The following INPP5A variants were observed in gnomAD, a reference collection of about 807,000 sequenced individuals.
INPP5A encodes the protein 43 kDa inositol polyphosphate 5-phophatase.
INPP5A carries 14 observed loss-of-function variants against 65.2 expected under a neutral mutation model. That is an observed-to-expected ratio of 0.21 (90% CI 0.14 to 0.34). The LOEUF (loss-of-function observed/expected upper bound fraction) is 0.34. Among genes scored for constraint, INPP5A ranks in the 10% least tolerant of loss-of-function variants. The pLI is 1.00. For missense variants in INPP5A, 431 were observed against 545.6 expected (o/e 0.79, Z 2.09); for synonymous variants, 207 against 208.3 (o/e 0.99, Z 0.05).
At chr10:132,584,457 G>A (rs1435096750) in intron 1 of INPP5A, among the ~76,000 whole-genome samples, 2 of 151,894 alleles carry the variant, frequency 1.3e-5, no homozygotes, top group East Asian at 3.8e-4. Flanking sequence ...TGTTTTTTAA[G>A]GAATAAATAT....
intron 1 of INPP5A, among the ~76,000 whole-genome samples, chr10:132,561,670 A>C (rs2071207213): frequency 6.6e-6 from 1 of 151,280 alleles, no homozygotes; most frequent in Non-Finnish European, 1.5e-5. Context: ...TGTTTTGACT[A>C]TTCTGGTGTC....
At chr10:132,578,656 G>A (rs1244546352) in intron 1 of INPP5A, among the ~76,000 whole-genome samples, 1 of 151,116 alleles carries the variant, frequency 6.6e-6, no homozygotes, top group Admixed American at 6.6e-5. Context: ...GGCTGGGTCT[G>A]GGCTTCAGGG....
At chr10:132,691,202 G>A (rs1845254759) in intron 5 of INPP5A, among the ~76,000 whole-genome samples, 1 of 152,198 alleles carries the variant, frequency 6.6e-6, no homozygotes, top group Non-Finnish European at 1.5e-5. Context: ...TCTTATCTCA[G>A]TTGCTTGAGT....
intron 2 of INPP5A, among the ~76,000 whole-genome samples, chr10:132,640,103 T>C (rs1454685169): frequency 6.6e-6 from 1 of 152,260 alleles, no homozygotes; most frequent in Non-Finnish European, 1.5e-5. Context: ...GTGGGCCATG[T>C]TTTCAGATTC....
At chr10:132,708,540 G>T in intron 7 of INPP5A, 175 bp downstream of exon 7, 1 of 763,068 alleles carries the variant, frequency 1.3e-6, no homozygotes, top group Non-Finnish European at 2.4e-6. Flanking sequence ...CGATGCATTC[G>T]GAGCATTGTC....
chr10:132,771,232 T>C (rs987018499), intron 12 of INPP5A, among the ~76,000 whole-genome samples: 1 of 152,122 alleles, frequency 6.6e-6, no homozygotes, highest in Non-Finnish European at 1.5e-5. Context: ...CCTGGAGGCC[T>C]CATCTCATCC....
At chr10:132,658,469 A>G (rs184899200) in intron 4 of INPP5A, among the ~76,000 whole-genome samples, 2 of 152,272 alleles carry the variant, frequency 1.3e-5, no homozygotes, top group African/African-American at 2.4e-5. Flanking sequence ...CTTCTAACAG[A>G]TGAGCTGACA....
At chr10:132,636,523 T>G (rs2072354532) in intron 2 of INPP5A, among the ~76,000 whole-genome samples, 1 of 152,230 alleles carries the variant, frequency 6.6e-6, no homozygotes, top group Non-Finnish European at 1.5e-5. Flanking sequence ...CACCCTGGTT[T>G]GCAGCCCAAG....
intron 9 of INPP5A, among the ~76,000 whole-genome samples, chr10:132,738,946 T>C (rs1846226254): frequency 6.6e-6 from 1 of 152,140 alleles, no homozygotes; most frequent in Non-Finnish European, 1.5e-5. Context: ...TTTTGTCAAG[T>C]GATAGGGTCC....
intron 4 of INPP5A, among the ~76,000 whole-genome samples, chr10:132,681,012 G>A (rs1025750208): frequency 6.6e-5 from 10 of 152,222 alleles, no homozygotes; most frequent in African/African-American, 2.4e-5. Flanking sequence ...CAGTCCCATC[G>A]ACCACCCAAG....
At chr10:132,565,664 T>TC (rs1219620981) in intron 1 of INPP5A, among the ~76,000 whole-genome samples, 3 of 151,974 alleles carry the variant, frequency 2.0e-5, no homozygotes, top group Non-Finnish European at 2.9e-5. Context: ...TGTATGTGGG[T>TC]CTATGTGTGG....
intron 2 of INPP5A, among the ~76,000 whole-genome samples, chr10:132,640,658 G>T (rs547280978): frequency 1.3e-5 from 2 of 152,350 alleles, no homozygotes; most frequent in East Asian, 1.9e-4. Flanking sequence ...GGTTGTCCTC[G>T]GCGGGAACAG....
intron 12 of INPP5A, among the ~76,000 whole-genome samples, chr10:132,766,744 A>G (rs1463831248): frequency 6.6e-6 from 1 of 152,234 alleles, no homozygotes; most frequent in African/African-American, 2.4e-5. Context: ...GTGCATTTTT[A>G]TGCAGATTTG....
At chr10:132,716,981 A>G (rs900767883) in intron 8 of INPP5A, among the ~76,000 whole-genome samples, 2 of 152,200 alleles carry the variant, frequency 1.3e-5, no homozygotes, top group African/African-American at 2.4e-5. Flanking sequence ...GAGAAGGCAC[A>G]TACTGCTGGG....
chr10:132,546,434 G>A lies in INPP5A; in HGVS notation c.75+8263G>A, dbSNP rs1395610433. 6.6e-6 allele frequency among the ~76,000 whole-genome samples: 1 copy of A among 152,116 alleles called. No homozygotes were observed. Among genetic ancestry groups the A allele is most frequent in the African/African-American group, 2.4e-5 (1 of 41,402 alleles). ...AACCCTGAGCCCCTGGTGGGTCTCG[G>A]TGACCTTGAGCCGGTTGTCTTCTTG... On this transcript the variant is annotated intron_variant, in intron 1 of 15. Transcript: ENST00000368594. The surrounding 1 kb of genome is among the most constrained non-coding windows in gnomAD (Gnocchi z 5.7).
rs185313410 is a variant in INPP5A at position 132,559,380 on chromosome 10, A to G, written c.75+21209A>G. On this transcript the variant is annotated intron_variant, in intron 1 of 15. Coordinates refer to ENST00000368594, the MANE Select transcript of INPP5A (RefSeq NM_005539.5). The stretch of plus-strand genomic sequence containing the variant: ...CTTTTAATTAGGACAAAATTCAGGC[A>G]CCATAAAACCTACAGTTCAGTGTTT... 6.6e-5 allele frequency among the ~76,000 whole-genome samples: 10 copies of G among 152,338 alleles called. No homozygotes were observed. In the East Asian group the frequency reaches 1.7e-3, roughly 26 times the overall value.
At chr10:132,661,255 C>A (rs2072734003) in intron 4 of INPP5A, among the ~76,000 whole-genome samples, 1 of 152,146 alleles carries the variant, frequency 6.6e-6, no homozygotes, top group South Asian at 2.1e-4. Flanking sequence ...AGGACAATAC[C>A]TCCTTCAGGA....
In INPP5A at chr10:132,603,930, A is replaced by AGGGTCCCCTCTCCGTCCC. The variant is rs1564931267; in HGVS notation, c.76-3984_76-3983insGGTCCCCTCTCCGTCCCG. 4.1e-5 allele frequency among the ~76,000 whole-genome samples: 4 copies of AGGGTCCCCTCTCCGTCCC among 98,082 alleles called. No individual in the cohort carries two copies. The highest frequency in any genetic ancestry group is 3.5e-4 in the South Asian group (1 of 2,862). 64.3% of individuals were successfully genotyped at this position (98,082 alleles called of 152,430 possible). On this transcript the variant is annotated intron_variant, in intron 1 of 15. Coordinates refer to ENST00000368594, the MANE Select transcript of INPP5A (RefSeq NM_005539.5). The surrounding 1 kb of genome is among the most constrained non-coding windows in gnomAD (Gnocchi z 4.2). ...CGCCGTCAGGGTCCCCTCTCCGTCC[A>AGGGTCCCCTCTCCGTCCC]GCCCTGCGCCGTCAAGGTCCCCTCT...
chr10:132,763,524 CGTGCCTGCATGCACACACACATAAACAT>C (rs1396349411), intron 11 of INPP5A, among the ~76,000 whole-genome samples: 25 of 152,088 alleles, frequency 1.6e-4, no homozygotes, highest in African/African-American at 5.8e-4. Flanking sequence ...CACATAAACA[CGTGCCTGCATGCACACACACATAAACAT>C]GTGCCTGCAT....
Sources: gnomAD v4.1 joint callset for allele counts (sites outside exome capture counted in the v4.1 genomes callset) on GRCh38, gnomAD v4.1.1 for gene constraint, Gnocchi (gnomAD v3.1) non-coding constraint, MANE v1.5 for transcripts, NCBI Gene and HGNC (gene_info 2026-07-23, HGNC 2026-07-21) for gene names.